LINGO2: variants seen among roughly 807,000 people sequenced by gnomAD.
The protein encoded by LINGO2 is leucine rich repeat and Ig domain containing 2, also known as leucine-rich repeat and immunoglobulin-like domain-containing nogo receptor-interacting protein 2.
In LINGO2, 14 loss-of-function variants were observed where a neutral mutation model predicts 30.6. The ratio of observed to expected loss-of-function variants is 0.46; its 90% CI spans 0.30 to 0.72. LINGO2 has a LOEUF of 0.72. Among genes scored for constraint, LINGO2 ranks in the 30% least tolerant of loss-of-function variants. LINGO2 has a pLI of 0.07. For synonymous variants in LINGO2, 317 were observed against 288.5 expected (o/e 1.10, Z -1.00); for missense variants, 729 against 751.7 (o/e 0.97, Z 0.35).
intron 4 of LINGO2, among the ~76,000 whole-genome samples, chr9:28,092,019 T>C (rs1235495946): frequency 2.0e-5 from 3 of 152,122 alleles, no homozygotes; most frequent in African/African-American, 7.2e-5. Context: ...CCAGTTAGAA[T>C]GGCGATCATT....
chr9:28,932,703 C>A, the LINGO2 span, among the ~76,000 whole-genome samples: 1 of 152,092 alleles, frequency 6.6e-6, no homozygotes, highest in African/African-American at 2.4e-5. Context: ...AGAACCTGGA[C>A]TCATTCTAAT....
the LINGO2 span, among the ~76,000 whole-genome samples, chr9:28,826,530 G>T: frequency 1.1e-4 from 16 of 152,098 alleles, no homozygotes; most frequent in Admixed American, 6.6e-4. Flanking sequence ...CCTCAGTCTT[G>T]TTAAATATGC....
chr9:28,051,949 A>G (rs1383162562), intron 4 of LINGO2, among the ~76,000 whole-genome samples: 3 of 152,056 alleles, frequency 2.0e-5, no homozygotes, highest in East Asian at 3.9e-4. Context: ...TCAAAATCAT[A>G]ATTGCCCTGG....
chr9:28,561,688 ATATG>A lies in LINGO2; in HGVS notation c.-364-85667_-364-85664del, dbSNP rs1160500004. Among the ~76,000 whole-genome samples, 38 of 124,682 alleles carry A rather than the reference ATATG, an allele frequency of 3.0e-4. 1 individual carries two copies. The highest frequency in any genetic ancestry group is 4.3e-3 in the Middle Eastern group (1 of 234). The allele number at this position is 124,682 out of a possible 152,430, so 81.8% of individuals were successfully genotyped here. On this transcript the variant is annotated intron_variant, in intron 1 of 5. Coordinates refer to ENST00000379992, the Ensembl canonical transcript of LINGO2. ...TATAAATTATATATAAATGTATTAT[ATATG>A]TATAATATATATAAATTATATATAA...
intron 1 of LINGO2, among the ~76,000 whole-genome samples, chr9:28,633,392 G>A (rs1186344099): frequency 6.6e-6 from 1 of 152,018 alleles, no homozygotes; most frequent in Non-Finnish European, 1.5e-5. Context: ...TAAAGCCCTA[G>A]CTCCAGATAT....
At chr9:28,535,178 T>G (rs186868607) in intron 1 of LINGO2, among the ~76,000 whole-genome samples, 261 of 152,286 alleles carry the variant, frequency 1.7e-3, no homozygotes, top group African/African-American at 6.0e-3. Context: ...AATACAGGAA[T>G]TTTGATTTTA....
At chr9:28,948,348 T>A in the LINGO2 span, among the ~76,000 whole-genome samples, 6 of 152,264 alleles carry the variant, frequency 3.9e-5, no homozygotes, top group African/African-American at 1.4e-4. Flanking sequence ...CACATTTATC[T>A]GTTTCCATTC....
At chr9:28,469,302 G>A (rs1825430949) in intron 2 of LINGO2, among the ~76,000 whole-genome samples, 1 of 151,402 alleles carries the variant, frequency 6.6e-6, no homozygotes, top group African/African-American at 2.4e-5. Flanking sequence ...AAAGTGAACA[G>A]AGCAGAACCT....
chr9:28,904,589 G>T, the LINGO2 span, among the ~76,000 whole-genome samples: 1 of 151,598 alleles, frequency 6.6e-6, no homozygotes, highest in Non-Finnish European at 1.5e-5. Flanking sequence ...GAAACCAAAA[G>T]AACAATCCTA....
chr9:27,962,071 T>C (rs1819875250), intron 5 of LINGO2, among the ~76,000 whole-genome samples: 1 of 152,166 alleles, frequency 6.6e-6, no homozygotes, highest in South Asian at 2.1e-4. Context: ...TTGTAATAGC[T>C]TTTAGAATTT....
chr9:28,773,604 A>C, the LINGO2 span, among the ~76,000 whole-genome samples: 14,257 of 152,068 alleles, frequency 0.094, 784 homozygotes, highest in East Asian at 0.29. Context: ...CTGCATCTCT[A>C]AGCTTTTAGG....
the LINGO2 span, among the ~76,000 whole-genome samples, chr9:28,983,695 G>A: frequency 6.6e-6 from 1 of 151,472 alleles, no homozygotes; most frequent in Non-Finnish European, 1.5e-5. Flanking sequence ...TGATAGGGAG[G>A]GTAACGATTG....
intron 2 of LINGO2, among the ~76,000 whole-genome samples, chr9:28,382,758 T>G (rs1821404156): frequency 6.6e-6 from 1 of 152,112 alleles, no homozygotes; most frequent in South Asian, 2.1e-4. Context: ...GTGTGCTCTT[T>G]GGAAAGTTAC....
the LINGO2 span, among the ~76,000 whole-genome samples, chr9:28,724,649 A>G: frequency 6.6e-6 from 1 of 152,130 alleles, no homozygotes; most frequent in Admixed American, 6.6e-5. Context: ...AACTGTATCC[A>G]CCTCAGATCA....
At chr9:28,799,097 G>A in the LINGO2 span, among the ~76,000 whole-genome samples, 24 of 152,026 alleles carry the variant, frequency 1.6e-4, no homozygotes, top group South Asian at 4.1e-4. Flanking sequence ...AAAGTAATTG[G>A]CAGAGAGAAG....
chr9:28,927,305 T>C, the LINGO2 span, among the ~76,000 whole-genome samples: 2 of 152,248 alleles, frequency 1.3e-5, no homozygotes, highest in Non-Finnish European at 2.9e-5. Flanking sequence ...GACTTTTAAG[T>C]GTTAGGGGCA....
Position 28,357,327 on chromosome 9 carries a change from C to CAA in LINGO2, c.-246+15507_-246+15508dup, listed in dbSNP as rs1554710539. On this transcript the variant is annotated intron_variant, in intron 3 of 5. Coordinates refer to ENST00000379992, the Ensembl canonical transcript of LINGO2. ...ATACAGAAATAAAGCCCACCCCCCC[C>CAA]AAAAAAGAAAGCACCAATACTTCTT... Among the ~76,000 whole-genome samples, 758 of 139,692 alleles carry CAA rather than the reference C, an allele frequency of 5.4e-3. 4 individuals carry two copies. Among genetic ancestry groups the CAA allele is most frequent in the Admixed American group, 0.011 (153 of 13,948 alleles). The allele number at this position is 139,692 out of a possible 152,430, so 91.6% of individuals were successfully genotyped here. A position where few individuals can be genotyped will look rare whatever the true frequency, so the allele number is the denominator to read the frequency against.
At chr9:28,139,091 G>A (rs1827602484) in intron 4 of LINGO2, among the ~76,000 whole-genome samples, 2 of 152,208 alleles carry the variant, frequency 1.3e-5, no homozygotes, top group African/African-American at 4.8e-5. Flanking sequence ...AAAAAACTTA[G>A]AGCAGTGCTG....
At chr9:28,863,840 C>T in the LINGO2 span, 2 of 234,632 alleles carry the variant, frequency 8.5e-6, no homozygotes, top group South Asian at 9.5e-5. Flanking sequence ...CCTCTTTTAG[C>T]TGAAACACAC....
Sources: gnomAD v4.1 joint callset for allele counts (sites outside exome capture counted in the v4.1 genomes callset) on GRCh38, gnomAD v4.1.1 for gene constraint, MANE v1.5 for transcripts, NCBI Gene and HGNC (gene_info 2026-07-23, HGNC 2026-07-21) for gene names.